Variants in TENM1 observed in about 807,000 individuals in gnomAD.
The protein encoded by TENM1 is teneurin-1.
A neutral mutation model predicts 174.8 loss-of-function variants in TENM1; 35 were observed. The ratio of observed to expected loss-of-function variants is 0.20; its 90% CI spans 0.15 to 0.27. The LOEUF (loss-of-function observed/expected upper bound fraction) is 0.27. TENM1 is among the 10% of genes least tolerant of loss of function. The pLI is 1.00. For synonymous variants in TENM1, 781 were observed against 798.7 expected (o/e 0.98, Z 0.37); for missense variants, 1,633 against 2,130.1 (o/e 0.77, Z 4.59).
At chrX:125,141,654 GAGGA>G in the TENM1 span, among the ~76,000 whole-genome samples, 1 of 111,226 alleles carries the variant, frequency 9.0e-6, no homozygotes, top group South Asian at 3.8e-4. Flanking sequence ...GAAGAGGAAT[GAGGA>G]AGGAAGAATA....
At chrX:124,742,013 C>T (rs2053811379) in intron 3 of TENM1, among the ~76,000 whole-genome samples, 1 of 111,828 alleles carries the variant, frequency 8.9e-6, no homozygotes, top group Non-Finnish European at 1.9e-5. Flanking sequence ...AAATAATTTT[C>T]GGTAGGTGTT....
chrX:124,905,215 A>G (rs1181512079), intron 1 of TENM1, among the ~76,000 whole-genome samples: 1 of 110,329 alleles, frequency 9.1e-6, no homozygotes, highest in African/African-American at 3.3e-5. Context: ...CAGCTACTTG[A>G]GAGACTGGGA....
At chrX:124,775,061 G>C (rs946710919) in intron 3 of TENM1, among the ~76,000 whole-genome samples, 10 of 110,674 alleles carry the variant, frequency 9.0e-5, no homozygotes, top group Non-Finnish European at 1.3e-4. Context: ...CAACTAGATA[G>C]AACAGACAGA....
exon 32 of TENM1, chrX:124,377,259 T>A (rs1292805172): frequency 9.0e-6 from 1 of 111,524 alleles, no homozygotes; most frequent in East Asian, 2.8e-4. Context: ...AGCATGTGAA[T>A]TCCAAATTAT....
chrX:125,106,261 C>T, the TENM1 span, among the ~76,000 whole-genome samples: 4 of 111,653 alleles, frequency 3.6e-5, no homozygotes, highest in African/African-American at 6.5e-5. Flanking sequence ...AGTTCACTTA[C>T]GTATTTGTTT....
intron 1 of TENM1, among the ~76,000 whole-genome samples, chrX:124,933,383 T>C (rs1238801052): frequency 2.7e-5 from 3 of 112,143 alleles, no homozygotes; most frequent in Non-Finnish European, 5.6e-5. Context: ...ATAGAATATG[T>C]CCATGAGTTC....
the TENM1 span, among the ~76,000 whole-genome samples, chrX:125,002,236 G>A: frequency 9.0e-6 from 1 of 111,391 alleles, no homozygotes; most frequent in Non-Finnish European, 1.9e-5. Context: ...ATTGCATAGT[G>A]CTTCACAATT....
rs777677628 is a variant in TENM1, at chrX:124,578,708, G to A, written c.2078-13148C>T. ...TGAGTCTCACAAAAGCCTCCTCATC[G>A]GCTTCACAAATGCTCTGTTCTCTTT... On this transcript the variant is annotated intron_variant, in intron 11 of 31. Transcript: ENST00000422452. 1.2e-4 allele frequency among the ~76,000 whole-genome samples: 13 copies of A among 111,396 alleles called. 1 individual carries two copies. The South Asian group carries it at 3.0e-3, about 26-fold the overall frequency.
chrX:124,686,452 C>T (rs188203521), intron 5 of TENM1, among the ~76,000 whole-genome samples: 297 of 111,896 alleles, frequency 2.7e-3, no homozygotes, highest in African/African-American at 8.8e-3. Flanking sequence ...TTCAGCCATT[C>T]GACAATATAT....
Position 124,709,999 on chromosome X carries a change from T to C in TENM1, c.777-4748A>G, listed in dbSNP as rs190151989. Among the ~76,000 whole-genome samples, 6 of 111,810 alleles carry C rather than the reference T, an allele frequency of 5.4e-5. No homozygotes were observed. In the East Asian group the frequency reaches 1.7e-3, roughly 31 times the overall value. On this transcript the variant is annotated intron_variant, in intron 4 of 31. Transcript: ENST00000422452. The stretch of plus-strand genomic sequence containing the variant: ...ATAAAAATAATAATAAGATTAAGTA[T>C]ATTTTAATGAATAAGTGACTCTTAG...
At chrX:125,153,539 C>A in the TENM1 span, among the ~76,000 whole-genome samples, 1 of 111,967 alleles carries the variant, frequency 8.9e-6, no homozygotes, top group Non-Finnish European at 1.9e-5. Context: ...AAAAATAATC[C>A]CATCTAACAT....
chrX:124,692,603 G>A (rs950956685), intron 5 of TENM1, among the ~76,000 whole-genome samples: 11 of 109,142 alleles, frequency 1.0e-4, no homozygotes, highest in African/African-American at 3.7e-4. Flanking sequence ...GGGCTTATGA[G>A]TACAGTATTC....
intron 3 of TENM1, among the ~76,000 whole-genome samples, chrX:124,743,928 C>A (rs1420047617): frequency 2.7e-5 from 3 of 111,840 alleles, no homozygotes; most frequent in African/African-American, 9.7e-5. Context: ...TAATTAATCT[C>A]TTTTCCTGTT....
chrX:124,933,040 A>G (rs897899062), intron 1 of TENM1, among the ~76,000 whole-genome samples: 2 of 112,039 alleles, frequency 1.8e-5, no homozygotes, highest in Admixed American at 1.9e-4. Flanking sequence ...ATTCAAATCA[A>G]TCATAAATTC....
chrX:124,705,465 C>T (rs971124205), intron 4 of TENM1, among the ~76,000 whole-genome samples: 1 of 110,443 alleles, frequency 9.1e-6, no homozygotes, highest in South Asian at 3.9e-4. Context: ...TTCATCTAGA[C>T]CTTTAAGAAA....
chrX:124,743,981 C>CT (rs1191508458), intron 3 of TENM1, among the ~76,000 whole-genome samples: 1 of 111,669 alleles, frequency 9.0e-6, no homozygotes, highest in Non-Finnish European at 1.9e-5. Context: ...CAAAGATCCA[C>CT]AAAGCAGCCC....
intron 4 of TENM1, among the ~76,000 whole-genome samples, chrX:124,722,173 T>G (rs1184916477): frequency 8.9e-6 from 1 of 112,531 alleles, no homozygotes. Context: ...GACTATTTTA[T>G]GCCAGAAGAA....
At chrX:124,595,313 G>A (rs2049864591) in intron 11 of TENM1, among the ~76,000 whole-genome samples, 1 of 111,776 alleles carries the variant, frequency 8.9e-6, no homozygotes, top group Admixed American at 9.5e-5. Context: ...CTTGATTGTG[G>A]TAATAACTTC....
At chrX:124,898,703 A>G (rs2057605405) in intron 1 of TENM1, among the ~76,000 whole-genome samples, 1 of 112,099 alleles carries the variant, frequency 8.9e-6, no homozygotes, top group African/African-American at 3.2e-5. Context: ...AGATGTAAGC[A>G]GATTTCTTTT....
Sources: allele counts gnomAD v4.1 joint callset (sites outside exome capture counted in the v4.1 genomes callset), GRCh38; gene constraint gnomAD v4.1.1; transcripts MANE v1.5; gene names NCBI Gene and HGNC (gene_info 2026-07-23, HGNC 2026-07-21).